STK24: variants seen among roughly 807,000 people sequenced by gnomAD.
STK24 encodes the protein serine/threonine-protein kinase 24.
Under a neutral mutation model 55.6 loss-of-function variants are expected in STK24, and 21 were observed. The observed-to-expected ratio is 0.38, with a 90% CI of 0.27 to 0.54. The LOEUF (loss-of-function observed/expected upper bound fraction) is 0.54. Among genes scored for constraint, STK24 ranks in the 20% least tolerant of loss-of-function variants. The pLI is 0.79. For synonymous variants in STK24, 200 were observed against 215.2 expected, an observed-to-expected ratio of 0.93 and a Z score of 0.62; for missense variants, 383 against 538.4, an observed-to-expected ratio of 0.71 and a Z score of 2.86.
intron 8 of STK24, among the ~76,000 whole-genome samples, chr13:98,461,060 G>A (rs1893686161): frequency 6.7e-6 from 1 of 148,428 alleles, no homozygotes; most frequent in South Asian, 2.1e-4. Context: ...AAAAAAGAGA[G>A]AGAGAGAGAG....
chr13:98,520,676 T>A (rs1229150918), intron 1 of STK24, among the ~76,000 whole-genome samples: 3 of 152,186 alleles, frequency 2.0e-5, no homozygotes, highest in Admixed American at 1.3e-4. Flanking sequence ...TCAGGGCCCA[T>A]CAGGGGCCAC....
chr13:98,445,860 T>TCTGC lies in STK24; in HGVS notation c.*7312_*7313insGCAG, dbSNP rs2139166635. The TCTGC allele has an allele frequency of 2.0e-6, 1 of 494,420 alleles. No individual in the cohort carries two copies. The highest frequency in any genetic ancestry group is 3.7e-5 in the East Asian group (1 of 27,362). The allele number at this position is 494,420 out of a possible 1,614,324, so 30.6% of individuals were successfully genotyped here. ...TACTGGTAGTCAGGACCTCAACGTG[T>TCTGC]CTTTTGGGGGGACACAGGGACCCCA... On this transcript the variant is annotated 3_prime_UTR_variant, in exon 11 of 11. Coordinates refer to ENST00000539966, the MANE Select transcript of STK24 (RefSeq NM_001032296.4).
chr13:98,446,756 A>G lies in STK24; in HGVS notation c.*6417T>C. Reference sequence around the variant, plus strand: ...GAACATCCAGAAAGACTACGTGTTCAAGCTGCACTTCAAGTCCCACGTCTA... The same window carrying G: ...GAACATCCAGAAAGACTACGTGTTCGAGCTGCACTTCAAGTCCCACGTCTA... On this transcript the variant is annotated 3_prime_UTR_variant, in exon 11 of 11. Coordinates refer to ENST00000539966, the MANE Select transcript of STK24 (RefSeq NM_001032296.4). The G allele has an allele frequency of 6.2e-7, 1 of 1,614,140 alleles. No homozygotes were observed. Among genetic ancestry groups the G allele is most frequent in the Non-Finnish European group, 8.5e-7 (1 of 1,180,022 alleles).
intron 2 of STK24, among the ~76,000 whole-genome samples, chr13:98,516,145 T>TA (rs1896049258): frequency 6.6e-6 from 1 of 152,210 alleles, no homozygotes; most frequent in South Asian, 2.1e-4. Context: ...CAGACAGAAT[T>TA]ACAGGTCTGG....
At chr13:98,481,097 C>CT (rs1465196599) in intron 3 of STK24, among the ~76,000 whole-genome samples, 1 of 152,204 alleles carries the variant, frequency 6.6e-6, no homozygotes, top group East Asian at 1.9e-4. Context: ...ATGACCTGCA[C>CT]TTACAGAAGG....
Position 98,448,309 on chromosome 13 carries a change from G to C in STK24, c.*4864C>G, listed in dbSNP as rs150804986. 1.3e-5 allele frequency: 21 copies of C among 1,612,828 alleles called. No homozygotes were observed. In the African/African-American group the frequency reaches 2.1e-4, roughly 16 times the overall value. On this transcript the variant is annotated 3_prime_UTR_variant, in exon 11 of 11. Transcript: ENST00000539966. ...CGTGTTGAGTCACAAAGAGTCTCTT[G>C]TGTATTGATGGCCGGACACACTCGT...
chr13:98,568,792 TG>T (rs567902446), intron 1 of STK24, among the ~76,000 whole-genome samples: 1 of 151,814 alleles, frequency 6.6e-6, no homozygotes, highest in Admixed American at 6.6e-5. Flanking sequence ...CACTGGAACC[TG>T]GGGGGGCAGA....
At chr13:98,459,057 C>T (rs977737519) in intron 9 of STK24, among the ~76,000 whole-genome samples, 4 of 152,026 alleles carry the variant, frequency 2.6e-5, no homozygotes, top group Non-Finnish European at 5.9e-5. Flanking sequence ...CTTCATGGGC[C>T]CAGTAAAAAA....
At chr13:98,531,129 T>C (rs1896569456) in intron 1 of STK24, among the ~76,000 whole-genome samples, 1 of 152,228 alleles carries the variant, frequency 6.6e-6, no homozygotes, top group African/African-American at 2.4e-5. Context: ...AGAGGCATTC[T>C]GTGCTGGAAG....
intron 2 of STK24, among the ~76,000 whole-genome samples, chr13:98,496,828 GGACA>G (rs1165279899): frequency 1.3e-5 from 2 of 152,178 alleles, no homozygotes; most frequent in African/African-American, 2.4e-5. Flanking sequence ...CACAGAAACA[GGACA>G]GACATTTGCA....
At chr13:98,492,076 CGTGTGTGT>C (rs56956881) in intron 2 of STK24, among the ~76,000 whole-genome samples, 11,400 of 149,260 alleles carry the variant, frequency 0.076, 448 homozygotes, top group South Asian at 0.14. Flanking sequence ...AGTGCGTGCG[CGTGTGTGT>C]GTGTGTGTGT....
rs368896026 is a variant in STK24, at chr13:98,461,054, A to AAACAG, written c.1054-615_1054-614insCTGTT. ...CAGAGACCCCGTCTCAAAAAAAAAA[A>AAACAG]AGAGAGAGAGAGAGAGAGAGAGAAA... On this transcript the variant is annotated intron_variant, in intron 8 of 10. Transcript: ENST00000539966. Among the ~76,000 whole-genome samples the AAACAG allele has an allele frequency of 1.5e-4, 21 of 143,664 alleles. No homozygotes were observed. In the Admixed American group the frequency reaches 1.5e-3, roughly 10 times the overall value. 94.2% of individuals were successfully genotyped at this position (143,664 alleles called of 152,430 possible).
chr13:98,462,047 G>T, intron 7 of STK24, 150 bp from the exon 8 acceptor site: 1 of 970,682 alleles, frequency 1.0e-6, no homozygotes, highest in Non-Finnish European at 1.5e-6. Flanking sequence ...CAGTCCCTCT[G>T]GGATTTCCCA....
chr13:98,469,406 G>A (rs745373977), intron 5 of STK24, among the ~76,000 whole-genome samples: 7 of 152,200 alleles, frequency 4.6e-5, no homozygotes, highest in South Asian at 4.1e-4. Context: ...AAAATCAGCC[G>A]GGCATGGTGG....
chr13:98,499,404 G>C (rs976542064), intron 2 of STK24, among the ~76,000 whole-genome samples: 1 of 152,120 alleles, frequency 6.6e-6, no homozygotes, highest in Non-Finnish European at 1.5e-5. Context: ...ACACCCTCCT[G>C]GTGTGTTCCC....
chr13:98,508,757 T>G (rs1895780589), intron 2 of STK24: 1 of 152,230 alleles, frequency 6.6e-6, no homozygotes, highest in South Asian at 2.1e-4. Flanking sequence ...TGAGTTAACT[T>G]TGTAACATAC....
chr13:98,454,864 G>A (rs1467820071), intron 10 of STK24: 1 of 152,256 alleles, frequency 6.6e-6, no homozygotes, highest in Non-Finnish European at 1.5e-5. Context: ...GACAGAGGAG[G>A]AAAGAGGGCA....
intron 1 of STK24, among the ~76,000 whole-genome samples, chr13:98,563,728 C>T (rs1366995387): frequency 6.6e-6 from 1 of 151,842 alleles, no homozygotes; most frequent in Non-Finnish European, 1.5e-5. Flanking sequence ...GGCGTGGTGG[C>T]GGGTGCCTAT....
intron 1 of STK24, among the ~76,000 whole-genome samples, chr13:98,539,583 G>A (rs201293608): frequency 6.6e-6 from 1 of 151,516 alleles, no homozygotes; most frequent in Non-Finnish European, 1.5e-5. Context: ...AAAAAAAAAG[G>A]AAACTTACAT....
Sources: allele counts gnomAD v4.1 joint callset (sites outside exome capture counted in the v4.1 genomes callset), GRCh38; gene constraint gnomAD v4.1.1; transcripts MANE v1.5; gene names NCBI Gene and HGNC (gene_info 2026-07-23, HGNC 2026-07-21).